The following PLCH1 variants were observed in gnomAD, a reference collection of about 807,000 sequenced individuals.
The protein encoded by PLCH1 is 1-phosphatidylinositol 4,5-bisphosphate phosphodiesterase eta-1.
Under a neutral mutation model 126.7 loss-of-function variants are expected in PLCH1, and 60 were observed. The ratio of observed to expected loss-of-function variants is 0.47; its 90% CI spans 0.38 to 0.59. The LOEUF (loss-of-function observed/expected upper bound fraction) is 0.59. PLCH1 is among the 20% of genes least tolerant of loss of function. The pLI, the probability that PLCH1 is intolerant of heterozygous loss-of-function variation, is 0.00. For synonymous variants in PLCH1, 719 were observed against 734.9 expected (o/e 0.98, Z 0.35); for missense variants, 1,723 against 2,040.0 (o/e 0.84, Z 2.99).
intron 1 of PLCH1, among the ~76,000 whole-genome samples, chr3:155,734,710 CTT>C (rs1226347081): frequency 9.6e-5 from 13 of 135,460 alleles, no homozygotes; most frequent in Admixed American, 1.5e-4. Context: ...TTTTCTTTTT[CTT>C]TTTTTTTTTT....
At chr3:155,683,882 C>T (rs892801767) in intron 2 of PLCH1, among the ~76,000 whole-genome samples, 1 of 152,174 alleles carries the variant, frequency 6.6e-6, no homozygotes, top group African/African-American at 2.4e-5. Flanking sequence ...TACCTCCTTC[C>T]TTGGGAGGTG....
In PLCH1 at chr3:155,481,228, T is replaced by C; in HGVS notation, c.4798A>G (p.Ser1600Gly). 1 of 1,614,224 alleles carries C rather than the reference T, an allele frequency of 6.2e-7. No individual in the cohort carries two copies. The highest frequency in any genetic ancestry group is 8.5e-7 in the Non-Finnish European group (1 of 1,180,044). ...CTAAGAACCACTCCTGCCCCATTGC[T>C]GGGGTTTGGAACTTTCTGCTTGTTG... ...EANKQKVPNP[S>G]NGAGVVLRNK... The change falls in exon 23 of 23, where the codon AGC (serine) becomes GGC (glycine). Residue 1600 changes from serine to glycine, a missense_variant. By Grantham distance (56) the Ser-to-Gly change is moderately conservative. Around this residue, in one of 2 missense-constraint regions of PLCH1, gnomAD observed 947 missense variants for 977.1 expected, o/e 0.97. Coordinates refer to ENST00000460012, the MANE Select transcript of PLCH1 (RefSeq NM_014996.4). The surrounding 1 kb of genome is among the most constrained non-coding windows in gnomAD (Gnocchi z 4.2).
intron 15 of PLCH1, 95 bp from the exon 16 acceptor site, chr3:155,494,612 T>C (rs1261138428): frequency 3.0e-6 from 3 of 997,588 alleles, no homozygotes; most frequent in Non-Finnish European, 3.0e-6. Flanking sequence ...ATTATACCAA[T>C]AGCAAAAAGC....
chr3:155,564,480 G>A (rs183619608), intron 8 of PLCH1, among the ~76,000 whole-genome samples: 24 of 152,152 alleles, frequency 1.6e-4, no homozygotes, highest in Admixed American at 1.2e-3. Flanking sequence ...AAGGAGAATC[G>A]CTTGAACCTG....
At chr3:155,743,394 T>A (rs956200952) in intron 1 of PLCH1, 1 of 382,976 alleles carries the variant, frequency 2.6e-6, no homozygotes, top group Admixed American at 3.5e-5. Context: ...TAGCTGGGCG[T>A]GGTGGCGGGA....
intron 2 of PLCH1, among the ~76,000 whole-genome samples, chr3:155,622,456 C>A (rs1026308267): frequency 1.3e-5 from 2 of 152,146 alleles, no homozygotes; most frequent in Non-Finnish European, 2.9e-5. Flanking sequence ...CAGTTAAAGA[C>A]ACAGACTGGC....
intron 2 of PLCH1, among the ~76,000 whole-genome samples, chr3:155,660,566 C>T (rs1459717841): frequency 6.6e-6 from 1 of 152,184 alleles, no homozygotes; most frequent in African/African-American, 2.4e-5. Flanking sequence ...ATACTTCATC[C>T]TAATATCCTA....
intron 2 of PLCH1, among the ~76,000 whole-genome samples, chr3:155,618,528 TA>T (rs1736068961): frequency 1.3e-5 from 2 of 152,208 alleles, no homozygotes; most frequent in African/African-American, 4.8e-5. Context: ...TTTCTACCAT[TA>T]ACATTTGTTT....
At chr3:155,548,389 C>A (rs1375972156) in intron 10 of PLCH1, among the ~76,000 whole-genome samples, 1 of 152,162 alleles carries the variant, frequency 6.6e-6, no homozygotes, top group Non-Finnish European at 1.5e-5. Context: ...ACATTGTTGC[C>A]ACCCTTTCCC....
In PLCH1 at chr3:155,494,536, G is replaced by GAA. The variant is rs3214639; in HGVS notation, c.1895-21_1895-20dup. On this transcript the variant is annotated intron_variant, in intron 15 of 22. Transcript: ENST00000460012. ...GTGGTTCCTGGCAGTTTTTAATCGA[G>GAA]AAAAAAGGAAGTGAGAACTACAGCA... is the stretch of plus-strand genomic sequence containing the variant. 1.9e-6 allele frequency: 3 copies of GAA among 1,596,932 alleles called. No homozygotes were observed. Among genetic ancestry groups the GAA allele is most frequent in the African/African-American group, 1.3e-5 (1 of 74,522 alleles).
chr3:155,659,659 C>T (rs2108934108), intron 2 of PLCH1, among the ~76,000 whole-genome samples: 1 of 152,024 alleles, frequency 6.6e-6, no homozygotes, highest in Non-Finnish European at 1.5e-5. Flanking sequence ...CCACCATGCC[C>T]AGCTAATTTT....
chr3:155,627,647 C>A (rs980724985), intron 2 of PLCH1, among the ~76,000 whole-genome samples: 2 of 146,700 alleles, frequency 1.4e-5, no homozygotes, highest in Non-Finnish European at 3.0e-5. Flanking sequence ...AAAAAAAAAA[C>A]AAATTGAAAA....
At chr3:155,469,667 A>C (rs552312023) in intron 21 of PLCH1, among the ~76,000 whole-genome samples, 21 of 152,140 alleles carry the variant, frequency 1.4e-4, no homozygotes, top group African/African-American at 5.1e-4. Context: ...TGCAGACTTA[A>C]ATGTCCCTGT....
chr3:155,499,759 ACAG>A (rs1293146538), intron 14 of PLCH1, among the ~76,000 whole-genome samples: 1 of 152,200 alleles, frequency 6.6e-6, no homozygotes, highest in Non-Finnish European at 1.5e-5. Flanking sequence ...GACAACAGTC[ACAG>A]CAGAAGTCTC....
chr3:155,464,335 C>T (rs774499512), intron 21 of PLCH1, among the ~76,000 whole-genome samples: 5 of 152,118 alleles, frequency 3.3e-5, no homozygotes, highest in Non-Finnish European at 7.3e-5. Context: ...TGTGGAGAAC[C>T]ACTAAAAATT....
intron 1 of PLCH1, among the ~76,000 whole-genome samples, chr3:155,733,934 C>CATATATATATATATAT (rs35149793): frequency 3.1e-5 from 3 of 98,172 alleles, no homozygotes; most frequent in Admixed American, 1.3e-4. Context: ...AACAGGTATA[C>CATATATATATATATAT]ATATATATAT....
chr3:155,533,569 A>G (rs534742727), intron 10 of PLCH1, among the ~76,000 whole-genome samples: 3 of 152,350 alleles, frequency 2.0e-5, no homozygotes, highest in Non-Finnish European at 4.4e-5. Flanking sequence ...AAAGAAAAGA[A>G]AAACCCATTT....
At chr3:155,543,916 A>G (rs1172413326) in intron 10 of PLCH1, among the ~76,000 whole-genome samples, 1 of 152,154 alleles carries the variant, frequency 6.6e-6, no homozygotes, top group Non-Finnish European at 1.5e-5. Flanking sequence ...AACAACCAGT[A>G]CCAGCCACTG....
At chr3:155,488,250 T>G (rs1715592030) in intron 20 of PLCH1, 143 bp from the exon 21 acceptor site, 2 of 612,200 alleles carry the variant, frequency 3.3e-6, no homozygotes, top group Non-Finnish European at 2.9e-6. Context: ...CAGGCTGGAA[T>G]GCAGTGGCAT....
Sources: allele counts gnomAD v4.1 joint callset (sites outside exome capture counted in the v4.1 genomes callset), GRCh38; gene constraint gnomAD v4.1.1; regional missense constraint gnomAD v4.1.1; non-coding constraint Gnocchi (gnomAD v3.1); transcripts MANE v1.5; gene names NCBI Gene and HGNC (gene_info 2026-07-23, HGNC 2026-07-21).